The following ZNF697 variants were observed in gnomAD, a reference collection of about 807,000 sequenced individuals.
The protein encoded by ZNF697 is zinc finger protein 697.
Under a neutral mutation model 32.4 loss-of-function variants are expected in ZNF697, and 23 were observed. The ratio of observed to expected loss-of-function variants is 0.71; its 90% confidence interval spans 0.51 to 1.01. The LOEUF (loss-of-function observed/expected upper bound fraction) is 1.01, where lower values mean the gene tolerates loss of function less well. ZNF697 is among the 50% of genes least tolerant of loss of function. The probability of loss-of-function intolerance (pLI) is 0.00; values close to 1 mark genes in which losing one functional copy is unlikely to be tolerated. For synonymous variants in ZNF697, 418 were observed against 337.2 expected (o/e 1.24, Z -2.62); for missense variants, 930 against 794.0 (o/e 1.17, Z -2.06).
chr1:119,623,689 G>A lies in ZNF697; in HGVS notation c.654C>T (p.Ala218=), dbSNP rs587735897. ...GGCCGAAGGGCTCCAGGCTGGCGGC[G>A]GCAGCGGCCTCAGCCAGGCGGTGAA... The part of the protein sequence containing the change: ...QRIHRLAEAA[A]AASLEPFGLA... The change falls in exon 3 of 3, where the codon GCC becomes GCT. Residue 218 remains alanine, a synonymous_variant. Transcript: ENST00000421812. 12 of 1,530,440 alleles carry A rather than the reference G, an allele frequency of 7.8e-6. No homozygotes were observed. The East Asian group carries it at 2.0e-4, about 25-fold the overall frequency. The allele number at this position is 1,530,440 out of a possible 1,614,324, so 94.8% of individuals were successfully genotyped here.
chr1:119,623,841 G>C lies in ZNF697; in HGVS notation c.502C>G (p.His168Asp). ...TCCCCGAGGTCCACGGCCATGGGGT[G>C]GTGGAGCCGGTGGAAGCGGCGGTGG... ...PAHRRFHRLH[H>D]PMAVDLGELD... Residue 168 changes from histidine to aspartate, a missense_variant, in exon 3 of 3, where the codon CAC (histidine) becomes GAC (aspartate). Physicochemically the swap from His to Asp is moderately conservative, Grantham distance 81. Transcript: ENST00000421812. The C allele has an allele frequency of 6.5e-7, 1 of 1,543,368 alleles. No homozygotes were observed. The highest frequency in any genetic ancestry group is 8.8e-7 in the Non-Finnish European group (1 of 1,142,338).
intron 2 of ZNF697, among the ~76,000 whole-genome samples, 180 bp from the exon 3 acceptor site, chr1:119,624,296 A>AG (rs1376136359): frequency 6.6e-6 from 1 of 152,176 alleles, no homozygotes; most frequent in Non-Finnish European, 1.5e-5. Context: ...AAAGGCCTAA[A>AG]GGAGAGTGCA....
At chr1:119,626,175 C>A in intron 1 of ZNF697, 38 bp from the exon 2 acceptor site, 1 of 1,582,474 alleles carries the variant, frequency 6.3e-7, no homozygotes, top group South Asian at 1.2e-5. Flanking sequence ...CACGTCAGTC[C>A]GGTCTCATCC....
In ZNF697 at chr1:119,623,592, G is replaced by A. The variant is rs1388149484; in HGVS notation, c.751C>T (p.Pro251Ser). ...TTTTCGCGCGGGGGCCGGGCCAGCG[G>A]GGGCCCGGCCCCGAAGCCCCCCGCC... ...GVAGGFGAGP[P>S]LARPPREKPF... The change falls in exon 3 of 3, where the codon CCG (proline) becomes TCG (serine). Residue 251 changes from proline to serine, a missense_variant. Coordinates refer to ENST00000421812, the MANE Select transcript of ZNF697 (RefSeq NM_001080470.2). The A allele has an allele frequency of 1.4e-6, 2 of 1,437,322 alleles. No individual in the cohort carries two copies. The highest frequency in any genetic ancestry group is 1.8e-6 in the Non-Finnish European group (2 of 1,108,010). 89.0% of individuals were successfully genotyped at this position (1,437,322 alleles called of 1,614,324 possible).
At position 119,620,767 on chromosome 1, in the gene ZNF697, C is replaced by T. The variant is rs1187808348; in HGVS notation, c.*1938G>A. 5 of 152,688 alleles carry T rather than the reference C, an allele frequency of 3.3e-5. No individual in the cohort carries two copies. The highest frequency in any genetic ancestry group is 3.9e-4 in the East Asian group (2 of 5,186). 9.5% of individuals were successfully genotyped at this position (152,688 alleles called of 1,614,324 possible). A position where few individuals can be genotyped will look rare whatever the true frequency, so the allele number is the denominator to read the frequency against. ...GGATTTTTAAGTGTTTTTATAACCACAAAAACATGCTTTCCTACAGTCCCC... is the reference window on the plus strand; with the variant it reads ...GGATTTTTAAGTGTTTTTATAACCATAAAAACATGCTTTCCTACAGTCCCC... On this transcript the variant is annotated 3_prime_UTR_variant, in exon 3 of 3. Transcript: ENST00000421812.
chr1:119,622,814 C>A lies in ZNF697; in HGVS notation c.1529G>T (p.Arg510Leu). ...GTTGCCCGTGTGGATGCGGCGGTGG[C>A]GGATCAGGTGGGAGCTCTGGATAAA... ...KSFIQSSHLI[R>L]HRRIHTGNKP... Residue 510 changes from arginine to leucine, a missense_variant, in exon 3 of 3, where the codon CGC (arginine) becomes CTC (leucine). Coordinates refer to ENST00000421812, the MANE Select transcript of ZNF697 (RefSeq NM_001080470.2). 1 of 1,598,708 alleles carries A rather than the reference C, an allele frequency of 6.3e-7. No individual in the cohort carries two copies. The highest frequency in any genetic ancestry group is 1.7e-5 in the Admixed American group (1 of 57,926).
Position 119,620,636 on chromosome 1 carries a change from T to A in ZNF697, c.*2069A>T, listed in dbSNP as rs1648280924. On this transcript the variant is annotated 3_prime_UTR_variant, in exon 3 of 3. Coordinates refer to ENST00000421812, the MANE Select transcript of ZNF697 (RefSeq NM_001080470.2). ...GACTAGAAGAAAATGAGAATTAATG[T>A]CTTTCAAAACTGTCTGTAGTTTGAA... The A allele has an allele frequency of 6.6e-6, 1 of 152,670 alleles. No homozygotes were observed. The highest frequency in any genetic ancestry group is 1.9e-4 in the East Asian group (1 of 5,200). 9.5% of individuals were successfully genotyped at this position (152,670 alleles called of 1,614,324 possible).
chr1:119,630,329 C>G (rs151155521), intron 1 of ZNF697, among the ~76,000 whole-genome samples: 60 of 152,344 alleles, frequency 3.9e-4, no homozygotes, highest in Admixed American at 1.2e-3. Flanking sequence ...ATTTCCAGCT[C>G]CAGCTTGTTA....
chr1:119,627,151 G>A (rs1648614656), intron 1 of ZNF697, among the ~76,000 whole-genome samples: 1 of 152,238 alleles, frequency 6.6e-6, no homozygotes, highest in South Asian at 2.1e-4. Context: ...CTAGGTCGAG[G>A]ATCTTGGACT....
At chr1:119,637,489 G>A (rs1320478629) in intron 1 of ZNF697, among the ~76,000 whole-genome samples, 1 of 152,168 alleles carries the variant, frequency 6.6e-6, no homozygotes, top group African/African-American at 2.4e-5. Flanking sequence ...GTGTCAAGTT[G>A]GTAGAGGATG....
At chr1:119,626,466 C>T (rs1031021488) in intron 1 of ZNF697, among the ~76,000 whole-genome samples, 1 of 152,138 alleles carries the variant, frequency 6.6e-6, no homozygotes, top group Non-Finnish European at 1.5e-5. Context: ...GCTGAGAAAA[C>T]TTGAAACTCA....
At chr1:119,636,529 T>A (rs990196864) in intron 1 of ZNF697, among the ~76,000 whole-genome samples, 1 of 152,040 alleles carries the variant, frequency 6.6e-6, no homozygotes, top group African/African-American at 2.4e-5. Context: ...TGGCAGTAAG[T>A]CCAAAAGCAG....
At chr1:119,641,050 G>C (rs1057257578) in intron 1 of ZNF697, among the ~76,000 whole-genome samples, 1 of 152,216 alleles carries the variant, frequency 6.6e-6, no homozygotes, top group African/African-American at 2.4e-5. Flanking sequence ...TCTTAAGAAA[G>C]TTAGTAAAGA....
At chr1:119,633,587 A>G (rs1363052999) in intron 1 of ZNF697, among the ~76,000 whole-genome samples, 1 of 152,176 alleles carries the variant, frequency 6.6e-6, no homozygotes. Context: ...GCCCACCCAC[A>G]TTATGGTGGG....
intron 2 of ZNF697, among the ~76,000 whole-genome samples, chr1:119,624,693 C>T (rs945111418): frequency 7.9e-5 from 12 of 152,076 alleles, no homozygotes; most frequent in Admixed American, 6.5e-4. Context: ...CTCCTGGGTT[C>T]AAGCGATTCT....
intron 1 of ZNF697, among the ~76,000 whole-genome samples, chr1:119,642,783 T>A (rs1422344408): frequency 6.6e-6 from 1 of 152,234 alleles, no homozygotes; most frequent in African/African-American, 2.4e-5. Context: ...AAATTTCTAT[T>A]CTACCTTCTA....
rs58387828 is a variant in ZNF697, at chr1:119,633,356, A to ATGTGTGTG, written c.-37-7227_-37-7220dup. 8.2e-3 allele frequency among the ~76,000 whole-genome samples: 1,175 copies of ATGTGTGTG among 143,216 alleles called. 14 individuals carry two copies. The highest frequency in any genetic ancestry group is 0.021 in the African/African-American group (836 of 39,574). 94.0% of individuals were successfully genotyped at this position (143,216 alleles called of 152,430 possible). On this transcript the variant is annotated intron_variant, in intron 1 of 2. Transcript: ENST00000421812. ...GGGTCCTCCTAAGAGAACCAATAGG[A>ATGTGTGTG]TGTGTGTGTGTGTGTGTGTGTGTGT...
chr1:119,622,517 G>T lies in ZNF697; in HGVS notation c.*188C>A. On this transcript the variant is annotated 3_prime_UTR_variant, in exon 3 of 3. Coordinates refer to ENST00000421812, the MANE Select transcript of ZNF697 (RefSeq NM_001080470.2). ...CAATTCTTCCGTGGAGAGGAGGCAA[G>T]TATAGCACCGGGAAAGACCAACTTA... The T allele has an allele frequency of 9.0e-7, 1 of 1,116,980 alleles. No individual in the cohort carries two copies. The highest frequency in any genetic ancestry group is 1.2e-6 in the Non-Finnish European group (1 of 821,348). 69.2% of individuals were successfully genotyped at this position (1,116,980 alleles called of 1,614,324 possible). A position where few individuals can be genotyped will look rare whatever the true frequency, so the allele number is the denominator to read the frequency against.
In ZNF697 at chr1:119,623,499, G is replaced by T. The variant is rs1648436883; in HGVS notation, c.844C>A (p.Leu282Met). The change falls in exon 3 of 3, where the codon CTG becomes ATG. Residue 282 changes from leucine to methionine, a missense_variant. Coordinates refer to ENST00000421812, the MANE Select transcript of ZNF697 (RefSeq NM_001080470.2). ...RNTYLTNHLR[L>M]HTGERPNLCA... is the part of the protein sequence containing the mutation. ...AGGTTGGGCCGCTCGCCCGTGTGCAGGCGCAGGTGGTTGGTCAGGTAGGTG... is the reference window on the plus strand; with the variant it reads ...AGGTTGGGCCGCTCGCCCGTGTGCATGCGCAGGTGGTTGGTCAGGTAGGTG... 1 of 1,568,526 alleles carries T rather than the reference G, an allele frequency of 6.4e-7. No homozygotes were observed. Among genetic ancestry groups the T allele is most frequent in the East Asian group, 2.5e-5 (1 of 40,738 alleles).
Sources: gnomAD v4.1 joint callset for allele counts (sites outside exome capture counted in the v4.1 genomes callset) on GRCh38, gnomAD v4.1.1 for gene constraint, MANE v1.5 for transcripts, NCBI Gene and HGNC (gene_info 2026-07-23, HGNC 2026-07-21) for gene names.